The following ALX4 variants were observed in gnomAD, a reference collection of about 807,000 sequenced individuals.
ALX4 encodes the protein homeobox protein aristaless-like 4.
ALX4 carries 22 observed loss-of-function variants against 40.6 expected under a neutral mutation model. The ratio of observed to expected loss-of-function variants is 0.54; its 90% CI spans 0.39 to 0.77. The LOEUF is 0.77. Among genes scored for constraint, ALX4 ranks in the 30% least tolerant of loss-of-function variants. ALX4 has a pLI of 0.00. For missense variants in ALX4, 556 were observed against 564.8 expected, an observed-to-expected ratio of 0.98 and a Z score of 0.16; for synonymous variants, 266 against 240.5, an observed-to-expected ratio of 1.11 and a Z score of -0.98.
intron 2 of ALX4, among the ~76,000 whole-genome samples, chr11:44,274,572 G>A (rs1956267019): frequency 6.6e-6 from 1 of 150,718 alleles, no homozygotes; most frequent in Non-Finnish European, 1.5e-5. Context: ...GAGTTGGGTT[G>A]AGTGTGTTCA....
At chr11:44,295,056 G>T (rs961162870) in intron 1 of ALX4, among the ~76,000 whole-genome samples, 60 of 152,036 alleles carry the variant, frequency 3.9e-4, no homozygotes, top group African/African-American at 1.4e-3. Flanking sequence ...TCACTATGTT[G>T]GCCAGGCTGG....
chr11:44,306,644 C>G (rs1445975092), intron 1 of ALX4, among the ~76,000 whole-genome samples: 1 of 152,280 alleles, frequency 6.6e-6, no homozygotes, highest in Non-Finnish European at 1.5e-5. Flanking sequence ...CTCCGACTTT[C>G]CCAATGCTCC....
intron 1 of ALX4, among the ~76,000 whole-genome samples, chr11:44,309,205 C>CGCAGCCCT (rs1956489634): frequency 6.7e-6 from 1 of 150,358 alleles, no homozygotes; most frequent in African/African-American, 2.4e-5. Flanking sequence ...CCCGCAGCCC[C>CGCAGCCCT]GCAGCCCCGC....
chr11:44,284,163 T>C (rs952772655), intron 1 of ALX4, among the ~76,000 whole-genome samples: 1 of 151,684 alleles, frequency 6.6e-6, no homozygotes, highest in African/African-American at 2.4e-5. Context: ...ATACTACAAG[T>C]TTCCAGAAGT....
intron 3 of ALX4, among the ~76,000 whole-genome samples, chr11:44,267,088 C>A (rs1018888331): frequency 2.0e-5 from 3 of 152,204 alleles, no homozygotes; most frequent in African/African-American, 7.2e-5. Flanking sequence ...AGTCCCCGGA[C>A]TCAGAATCCC....
chr11:44,302,843 C>T (rs189607845), intron 1 of ALX4, among the ~76,000 whole-genome samples: 7 of 152,204 alleles, frequency 4.6e-5, no homozygotes, highest in Admixed American at 2.0e-4. Flanking sequence ...GACAAAAATG[C>T]GTGTGGGGGT....
rs1233209351 is a variant in ALX4, at chr11:44,260,691, A to C, written c.*4163T>G. 1.3e-5 allele frequency: 2 copies of C among 152,198 alleles called. No individual in the cohort carries two copies. Among genetic ancestry groups the C allele is most frequent in the Non-Finnish European group, 2.9e-5 (2 of 68,030 alleles). 9.4% of individuals were successfully genotyped at this position (152,198 alleles called of 1,614,324 possible). A position where few individuals can be genotyped will look rare whatever the true frequency, so the allele number is the denominator to read the frequency against. ...AATGTAGTTACATGGTGGTATAGGC[A>C]GTAAAACTTTATGGAACCGACCTCA... is the stretch of plus-strand genomic sequence containing the variant. On this transcript the variant is annotated 3_prime_UTR_variant, in exon 4 of 4. Coordinates refer to ENST00000652299, the MANE Select transcript of ALX4 (RefSeq NM_021926.4).
At chr11:44,298,490 G>A (rs1399529104) in intron 1 of ALX4, among the ~76,000 whole-genome samples, 2 of 152,206 alleles carry the variant, frequency 1.3e-5, no homozygotes, top group Non-Finnish European at 2.9e-5. Flanking sequence ...CAGCTCTCAG[G>A]CAGCACCCTG....
chr11:44,292,892 T>G (rs1477858059), intron 1 of ALX4, among the ~76,000 whole-genome samples: 1 of 151,984 alleles, frequency 6.6e-6, no homozygotes, highest in African/African-American at 2.4e-5. Context: ...GCTCAGGAGT[T>G]TGAGACCAGC....
chr11:44,275,757 G>C, intron 1 of ALX4, 99 bp from the exon 2 acceptor site: 1 of 1,183,584 alleles, frequency 8.4e-7, no homozygotes. Flanking sequence ...GCCACCCCCT[G>C]CCTTTTTCCT....
chr11:44,286,229 G>A (rs1956338043), intron 1 of ALX4, among the ~76,000 whole-genome samples: 1 of 152,178 alleles, frequency 6.6e-6, no homozygotes, highest in Non-Finnish European at 1.5e-5. Flanking sequence ...CGCAGGGCAG[G>A]AAGGACCAAA....
rs556548686 is a variant in ALX4 at position 44,270,479 on chromosome 11, G to A, written c.778-2857C>T. Among the ~76,000 whole-genome samples the A allele has an allele frequency of 3.9e-5, 6 of 152,184 alleles. No individual in the cohort carries two copies. In the South Asian group the frequency reaches 1.0e-3, roughly 26 times the overall value. ...CCAGATCCAGACATGAGCTAGGTGA[G>A]CCTGGCCGGTCCTCAATATCCTCCC... On this transcript the variant is annotated intron_variant, in intron 2 of 3. Coordinates refer to ENST00000652299, the MANE Select transcript of ALX4 (RefSeq NM_021926.4).
At chr11:44,302,833 G>A (rs985856789) in intron 1 of ALX4, among the ~76,000 whole-genome samples, 6 of 152,148 alleles carry the variant, frequency 3.9e-5, no homozygotes, top group South Asian at 2.1e-4. Context: ...GTTTCTCCTG[G>A]ACAAAAATGC....
intron 2 of ALX4, among the ~76,000 whole-genome samples, chr11:44,273,994 C>A (rs1956263468): frequency 6.6e-6 from 1 of 151,792 alleles, no homozygotes; most frequent in African/African-American, 2.4e-5. Context: ...ATAAAATGGG[C>A]CCAGGCATGG....
At chr11:44,273,190 T>TAAAAAAA (rs35856858) in intron 2 of ALX4, among the ~76,000 whole-genome samples, 1 of 137,604 alleles carries the variant, frequency 7.3e-6, no homozygotes, top group Non-Finnish European at 1.6e-5. Flanking sequence ...CTTTGCTGAT[T>TAAAAAAA]AAAAAAAAAA....
At chr11:44,303,811 T>A (rs548827268) in intron 1 of ALX4, among the ~76,000 whole-genome samples, 1 of 152,322 alleles carries the variant, frequency 6.6e-6, no homozygotes, top group East Asian at 1.9e-4. Flanking sequence ...ATTTTTGTCA[T>A]CCTTTCTGAG....
chr11:44,263,840 G>A lies in ALX4; in HGVS notation c.*1014C>T, dbSNP rs1956196325. The A allele has an allele frequency of 6.6e-6, 1 of 152,384 alleles. No individual in the cohort carries two copies. Among genetic ancestry groups the A allele is most frequent in the Admixed American group, 6.5e-5 (1 of 15,292 alleles). The allele number at this position is 152,384 out of a possible 1,614,324, so 9.4% of individuals were successfully genotyped here. A position where few individuals can be genotyped will look rare whatever the true frequency, so the allele number is the denominator to read the frequency against. ...AGTCCTTCCATGCCGGGACACTGCT[G>A]AGCAGCCCCAGGGAGGGGCCAGGGT... On this transcript the variant is annotated 3_prime_UTR_variant, in exon 4 of 4. Transcript: ENST00000652299.
intron 1 of ALX4, among the ~76,000 whole-genome samples, chr11:44,292,775 G>C (rs140972607): frequency 1.3e-5 from 2 of 152,092 alleles, no homozygotes; most frequent in African/African-American, 4.8e-5. Context: ...CAATGTTTCA[G>C]CATTCACAAT....
At chr11:44,287,177 C>T (rs1176719290) in intron 1 of ALX4, among the ~76,000 whole-genome samples, 1 of 152,238 alleles carries the variant, frequency 6.6e-6, no homozygotes, top group African/African-American at 2.4e-5. Context: ...TCTCTCAGTT[C>T]TTCCTGCAAT....
Sources: gnomAD v4.1 joint callset for allele counts (sites outside exome capture counted in the v4.1 genomes callset) on GRCh38, gnomAD v4.1.1 for gene constraint, MANE v1.5 for transcripts, NCBI Gene and HGNC (gene_info 2026-07-23, HGNC 2026-07-21) for gene names.